Variants in PPFIBP1 observed in about 807,000 individuals in gnomAD.
The protein encoded by PPFIBP1 is PPFIB scaffold protein 1, also known as liprin-beta-1.
A neutral mutation model predicts 137.8 loss-of-function variants in PPFIBP1; 112 were observed. The ratio of observed to expected loss-of-function variants is 0.81; its 90% CI spans 0.70 to 0.95. The LOEUF (loss-of-function observed/expected upper bound fraction) is 0.95. Among genes scored for constraint, PPFIBP1 ranks in the 40% least tolerant of loss-of-function variants. The pLI is 0.00. For synonymous variants in PPFIBP1, 378 were observed against 417.3 expected, an observed-to-expected ratio of 0.91 and a Z score of 1.15; for missense variants, 1,083 against 1,196.6, an observed-to-expected ratio of 0.91 and a Z score of 1.40.
chr12:27,616,291 A>C (rs2055744940), intron 2 of PPFIBP1, among the ~76,000 whole-genome samples: 1 of 146,632 alleles, frequency 6.8e-6, no homozygotes, highest in Non-Finnish European at 1.5e-5. Context: ...CCACTGGTGG[A>C]CATTTAGGTT....
At chr12:27,582,400 G>A (rs141379665) in intron 2 of PPFIBP1, among the ~76,000 whole-genome samples, 14 of 152,270 alleles carry the variant, frequency 9.2e-5, no homozygotes, top group African/African-American at 3.1e-4. Flanking sequence ...CACCTATTTA[G>A]TGGATGTGTG....
intron 7 of PPFIBP1, 24 bp from the exon 8 acceptor site, chr12:27,654,698 A>T (rs774320698): frequency 6.2e-6 from 10 of 1,604,206 alleles, no homozygotes; most frequent in Non-Finnish European, 8.5e-6. Context: ...TTCCTAATGT[A>T]CTTTCTTGTT....
chr12:27,671,673 C>T lies in PPFIBP1; in HGVS notation c.1262+127C>T, dbSNP rs78995644. The T allele has an allele frequency of 1.4e-3, 826 of 572,574 alleles. 11 individuals are homozygous for T. Among genetic ancestry groups the T allele is most frequent in the African/African-American group, 0.014 (734 of 51,106 alleles). 35.5% of individuals were successfully genotyped at this position (572,574 alleles called of 1,614,324 possible). A position where few individuals can be genotyped will look rare whatever the true frequency, so the allele number is the denominator to read the frequency against. On this transcript the variant is annotated intron_variant, in intron 14 of 29. Coordinates refer to ENST00000228425, the MANE Select transcript of PPFIBP1 (RefSeq NM_003622.4). ...GAAGCAAGAAACTGCAAGATGTCCACTGGGGGATCTGTAATCAGTTCTGTA... is the reference window on the plus strand; with the variant it reads ...GAAGCAAGAAACTGCAAGATGTCCATTGGGGGATCTGTAATCAGTTCTGTA...
At chr12:27,664,837 G>T (rs1298375334) in intron 12 of PPFIBP1, among the ~76,000 whole-genome samples, 3 of 152,180 alleles carry the variant, frequency 2.0e-5, no homozygotes, top group East Asian at 3.9e-4. Flanking sequence ...CTCTGGTAGC[G>T]CAAGGGGTGG....
chr12:27,534,654 C>G (rs1944795132), intron 1 of PPFIBP1, among the ~76,000 whole-genome samples: 1 of 151,920 alleles, frequency 6.6e-6, no homozygotes, highest in Non-Finnish European at 1.5e-5. Context: ...GGTTCACAGG[C>G]CAACTTCTTG....
intron 8 of PPFIBP1, chr12:27,655,143 T>C: frequency 6.5e-7 from 1 of 1,529,096 alleles, no homozygotes; most frequent in Non-Finnish European, 8.8e-7. Context: ...TCTCTACCAG[T>C]CTTTAATGGC....
intron 19 of PPFIBP1, chr12:27,677,343 A>T (rs2060582222): frequency 1.8e-6 from 1 of 570,008 alleles, no homozygotes; most frequent in South Asian, 2.3e-5. Context: ...GAGGACCTAG[A>T]CGTGTGCAGC....
At chr12:27,638,873 G>T (rs983325922) in intron 4 of PPFIBP1, among the ~76,000 whole-genome samples, 7 of 149,204 alleles carry the variant, frequency 4.7e-5, no homozygotes. Context: ...ATATAATTAA[G>T]GTTCCATTCA....
chr12:27,593,877 G>A lies in PPFIBP1; in HGVS notation c.-36+15638G>A, dbSNP rs2052848440. 7 of 1,466,408 alleles carry A rather than the reference G, an allele frequency of 4.8e-6. No individual in the cohort carries two copies. In the South Asian group the frequency reaches 9.2e-5, roughly 19 times the overall value. 90.8% of individuals were successfully genotyped at this position (1,466,408 alleles called of 1,614,324 possible). ...GTCCCCCATGCCCCTTGGATGGGAGGGAGAAAGTGGATGGAAGGACCCTTG... is the reference window on the plus strand; with the variant it reads ...GTCCCCCATGCCCCTTGGATGGGAGAGAGAAAGTGGATGGAAGGACCCTTG... On this transcript the variant is annotated intron_variant, in intron 2 of 29. Transcript: ENST00000228425.
At chr12:27,639,404 T>C (rs2057940595) in intron 4 of PPFIBP1, among the ~76,000 whole-genome samples, 1 of 152,236 alleles carries the variant, frequency 6.6e-6, no homozygotes, top group Non-Finnish European at 1.5e-5. Flanking sequence ...AGTAGTTACT[T>C]ACTTTAGGTC....
intron 2 of PPFIBP1, among the ~76,000 whole-genome samples, chr12:27,588,660 A>G (rs1270264249): frequency 2.0e-5 from 3 of 152,190 alleles, no homozygotes; most frequent in Non-Finnish European, 2.9e-5. Context: ...GCTGCAGGTG[A>G]GGAAAAACTA....
Position 27,671,471 on chromosome 12 carries a change from T to G in PPFIBP1, c.1187T>G (p.Leu396Trp). The stretch of plus-strand genomic sequence containing the variant: ...TTGCAAGTTTCCATCCCTTCATTAT[T>G]GCCAGCAACTGTAAGCATGGAAACT... ...TILQVSIPSL[L>W]PATVSMETSE... The change falls in exon 14 of 30, where the codon TTG becomes TGG. Residue 396 changes from leucine to tryptophan, a missense_variant. Coordinates refer to ENST00000228425, the MANE Select transcript of PPFIBP1 (RefSeq NM_003622.4). 6.2e-7 allele frequency: 1 copy of G among 1,601,534 alleles called. No homozygotes were observed. Among genetic ancestry groups the G allele is most frequent in the Non-Finnish European group, 8.5e-7 (1 of 1,175,434 alleles).
rs996120508 is a variant in PPFIBP1, at chr12:27,592,617, G to A, written c.-36+14378G>A. 5.0e-6 allele frequency: 8 copies of A among 1,595,034 alleles called. No individual in the cohort carries two copies. In the African/African-American group the frequency reaches 1.1e-4, roughly 21 times the overall value. ...AGAGGATATGCTGCCTCAGCCAGCTGAAGGCCCACCCAAAGTTCAGGCAGC... is the reference window on the plus strand; with the variant it reads ...AGAGGATATGCTGCCTCAGCCAGCTAAAGGCCCACCCAAAGTTCAGGCAGC... On this transcript the variant is annotated intron_variant, in intron 2 of 29. Transcript: ENST00000228425.
intron 1 of PPFIBP1, among the ~76,000 whole-genome samples, chr12:27,554,746 G>A (rs544232622): frequency 1.3e-5 from 2 of 152,140 alleles, no homozygotes; most frequent in South Asian, 2.1e-4. Context: ...CTTTGTGCAC[G>A]TTGTCGGAGA....
At chr12:27,689,490 A>C (rs1267709007) in intron 27 of PPFIBP1, among the ~76,000 whole-genome samples, 1 of 152,196 alleles carries the variant, frequency 6.6e-6, no homozygotes, top group Non-Finnish European at 1.5e-5. Context: ...GGAAAACAGC[A>C]GGGTCGCAGT....
rs61007219 is a variant in PPFIBP1 at position 27,525,577 on chromosome 12, C to A, written c.-124+1212C>A. Among the ~76,000 whole-genome samples, 197 of 150,500 alleles carry A rather than the reference C, an allele frequency of 1.3e-3. 1 individual carries two copies. Among genetic ancestry groups the A allele is most frequent in the African/African-American group, 3.3e-3 (135 of 41,068 alleles). ...CCTGAGTCAAGTTTCCCCTTTCCTTCACCGAAGTTCCTCCTCAGCAGTGAG... is the reference window on the plus strand; with the variant it reads ...CCTGAGTCAAGTTTCCCCTTTCCTTAACCGAAGTTCCTCCTCAGCAGTGAG... On this transcript the variant is annotated intron_variant, in intron 1 of 29. Coordinates refer to ENST00000228425, the MANE Select transcript of PPFIBP1 (RefSeq NM_003622.4).
chr12:27,537,904 G>A (rs888348114), intron 1 of PPFIBP1, among the ~76,000 whole-genome samples: 5 of 152,146 alleles, frequency 3.3e-5, no homozygotes, highest in Non-Finnish European at 7.4e-5. Context: ...AGAATGGTGT[G>A]AAGCAACCTG....
In PPFIBP1 at chr12:27,594,456, GA is replaced by G. The variant is rs1440014027; in HGVS notation, c.-36+16219del. On this transcript the variant is annotated intron_variant, in intron 2 of 29. Coordinates refer to ENST00000228425, the MANE Select transcript of PPFIBP1 (RefSeq NM_003622.4). ...GCCTCCCAAAATGCTGGGATTACAG[GA>G]ATGAGCCACCACGCCCAGCCCCATT... is the stretch of plus-strand genomic sequence containing the variant. Among the ~76,000 whole-genome samples the G allele has an allele frequency of 2.6e-5, 4 of 152,160 alleles. No homozygotes were observed. In the South Asian group the frequency reaches 8.3e-4, roughly 32 times the overall value.
rs139342999 is a variant in PPFIBP1 at position 27,655,558 on chromosome 12, A to T, written c.696+744A>T. Among the ~76,000 whole-genome samples, 574 of 152,338 alleles carry T rather than the reference A, an allele frequency of 3.8e-3. 11 individuals are homozygous for T. The highest frequency in any genetic ancestry group is 0.013 in the African/African-American group (537 of 41,576). On this transcript the variant is annotated intron_variant, in intron 8 of 29. Coordinates refer to ENST00000228425, the MANE Select transcript of PPFIBP1 (RefSeq NM_003622.4). ...GAATTCTGTTTCGTATCCACAGTAG[A>T]GGTCATTTTCCTCTTTAGGGACTTT...
Sources: allele counts gnomAD v4.1 joint callset (sites outside exome capture counted in the v4.1 genomes callset), GRCh38; gene constraint gnomAD v4.1.1; transcripts MANE v1.5; gene names NCBI Gene and HGNC (gene_info 2026-07-23, HGNC 2026-07-21).